Variants in ROBO2 observed in about 807,000 individuals in gnomAD.
ROBO2 encodes the protein roundabout guidance receptor 2, also known as roundabout homolog 2.
Under a neutral mutation model 160.8 loss-of-function variants are expected in ROBO2, and 53 were observed. The ratio of observed to expected loss-of-function variants is 0.33; its 90% CI spans 0.26 to 0.41. ROBO2 has a LOEUF of 0.41. Ranked by LOEUF, ROBO2 falls within the 10% of genes least tolerant of loss-of-function variation. The probability of loss-of-function intolerance (pLI) is 1.00; values close to 1 mark genes in which losing one functional copy is unlikely to be tolerated. For synonymous variants in ROBO2, 664 were observed against 611.7 expected (o/e 1.09, Z -1.26); for missense variants, 1,577 against 1,722.4 (o/e 0.92, Z 1.49).
intron 2 of ROBO2, among the ~76,000 whole-genome samples, chr3:76,920,135 G>A (rs542098100): frequency 3.3e-5 from 5 of 151,858 alleles, no homozygotes; most frequent in South Asian, 2.1e-4. Flanking sequence ...TTGGCTTTCC[G>A]TTATTTTATT....
At chr3:76,904,684 C>G in intron 2 of ROBO2, among the ~76,000 whole-genome samples, 1 of 152,124 alleles carries the variant, frequency 6.6e-6, no homozygotes, top group East Asian at 1.9e-4. Context: ...CCCAGTTAAT[C>G]TAAGGAGACA....
intron 2 of ROBO2, among the ~76,000 whole-genome samples, chr3:77,383,366 T>C (rs886864684): frequency 1.3e-5 from 2 of 152,112 alleles, no homozygotes; most frequent in African/African-American, 2.4e-5. Context: ...GAGAAAGATA[T>C]ATAAGTAACA....
chr3:76,952,376 G>A (rs1000676527), intron 2 of ROBO2, among the ~76,000 whole-genome samples: 6 of 152,034 alleles, frequency 3.9e-5, no homozygotes, highest in East Asian at 1.9e-4. Flanking sequence ...TCCGCCTCCC[G>A]GGTTCAAGTG....
chr3:77,488,787 C>G lies in ROBO2; in HGVS notation c.668-4457C>G, dbSNP rs577846983. ...TATTGTAACGGTTGCCACTGCAGATCCAACGCATTTGAAATACATTTTTGG... is the reference window on the plus strand; with the variant it reads ...TATTGTAACGGTTGCCACTGCAGATGCAACGCATTTGAAATACATTTTTGG... On this transcript the variant is annotated intron_variant, in intron 4 of 25. Transcript: ENST00000461745. 4.6e-5 allele frequency among the ~76,000 whole-genome samples: 7 copies of G among 152,246 alleles called. No individual in the cohort carries two copies. In the South Asian group the frequency reaches 6.2e-4, roughly 14 times the overall value.
intron 2 of ROBO2, among the ~76,000 whole-genome samples, chr3:76,775,197 C>T (rs1189277866): frequency 1.3e-5 from 2 of 150,578 alleles, no homozygotes; most frequent in African/African-American, 4.9e-5. Flanking sequence ...TACCTAACTG[C>T]TTAACCCCTA....
chr3:77,602,051 C>T (rs2094440108), intron 19 of ROBO2, among the ~76,000 whole-genome samples, 159 bp from the exon 21 acceptor site: 1 of 152,172 alleles, frequency 6.6e-6, no homozygotes, highest in Non-Finnish European at 1.5e-5. Context: ...GATAGCTTGG[C>T]GATGGTTGTA....
intron 2 of ROBO2, among the ~76,000 whole-genome samples, chr3:76,115,975 C>G (rs903946743): frequency 2.6e-5 from 4 of 152,126 alleles, no homozygotes; most frequent in African/African-American, 9.6e-5. Context: ...TTTTAAAGAT[C>G]ATGTATGTCT....
At chr3:76,580,328 G>GTTTTTTTTTTTTTTGT (rs748888426) in intron 2 of ROBO2, among the ~76,000 whole-genome samples, 3 of 67,324 alleles carry the variant, frequency 4.5e-5, no homozygotes, top group Non-Finnish European at 8.1e-5. Context: ...TTTTTTTTTT[G>GTTTTTTTTTTTTTTGT]TTTTTTTTTT....
At chr3:76,723,183 A>G (rs960204922) in intron 2 of ROBO2, among the ~76,000 whole-genome samples, 1 of 152,220 alleles carries the variant, frequency 6.6e-6, no homozygotes, top group Non-Finnish European at 1.5e-5. Flanking sequence ...TATTATTTTT[A>G]AAGTATGTAT....
chr3:77,162,860 T>C (rs899778975), intron 2 of ROBO2, among the ~76,000 whole-genome samples: 1 of 152,086 alleles, frequency 6.6e-6, no homozygotes, highest in Non-Finnish European at 1.5e-5. Flanking sequence ...GATGGAGTCT[T>C]GCTCTGTCTC....
intron 2 of ROBO2, among the ~76,000 whole-genome samples, chr3:77,174,491 G>GT (rs1394381870): frequency 1.3e-5 from 2 of 151,914 alleles, no homozygotes; most frequent in Non-Finnish European, 2.9e-5. Context: ...TTTATTTCTA[G>GT]TTAATACCCC....
intron 2 of ROBO2, among the ~76,000 whole-genome samples, chr3:76,987,379 G>A (rs1051435842): frequency 1.3e-5 from 2 of 152,042 alleles, no homozygotes; most frequent in Admixed American, 6.6e-5. Flanking sequence ...GCGTCACAGT[G>A]TTATTTTCTT....
chr3:76,573,137 G>C (rs2085056141), intron 2 of ROBO2, among the ~76,000 whole-genome samples: 1 of 152,046 alleles, frequency 6.6e-6, no homozygotes, highest in Admixed American at 6.6e-5. Flanking sequence ...CCTTGCTTTT[G>C]TGTAGCGAAA....
chr3:77,416,114 G>C (rs1445619506), intron 2 of ROBO2, among the ~76,000 whole-genome samples: 1 of 152,168 alleles, frequency 6.6e-6, no homozygotes, highest in Non-Finnish European at 1.5e-5. Flanking sequence ...TTTATTGAGT[G>C]AGAGTAAAGT....
chr3:76,219,050 C>T (rs1290667180), intron 2 of ROBO2, among the ~76,000 whole-genome samples: 1 of 152,150 alleles, frequency 6.6e-6, no homozygotes, highest in Non-Finnish European at 1.5e-5. Context: ...TTGAGAAAAA[C>T]AAGCAATGGG....
At chr3:76,049,403 A>ATATATATATT (rs1414664360) in intron 2 of ROBO2, among the ~76,000 whole-genome samples, 1 of 53,750 alleles carries the variant, frequency 1.9e-5, no homozygotes, top group East Asian at 6.3e-4. Flanking sequence ...ATATATATAT[A>ATATATATATT]TTTTTTTTTT....
At chr3:77,331,897 G>C (rs945675009) in intron 2 of ROBO2, among the ~76,000 whole-genome samples, 13 of 152,056 alleles carry the variant, frequency 8.5e-5, no homozygotes, top group African/African-American at 3.1e-4. Flanking sequence ...GTAGAGACGG[G>C]GTTTCACCAT....
chr3:76,674,809 G>A (rs1319035027), intron 2 of ROBO2, among the ~76,000 whole-genome samples: 1 of 152,046 alleles, frequency 6.6e-6, no homozygotes, highest in African/African-American at 2.4e-5. Context: ...CACTAGCAAC[G>A]CCTTCACACC....
At chr3:75,960,819 A>G (rs558043846) in intron 2 of ROBO2, among the ~76,000 whole-genome samples, 91 of 151,908 alleles carry the variant, frequency 6.0e-4, no homozygotes, top group Middle Eastern at 3.4e-3. Context: ...AACTTCCTAA[A>G]TTACAGAGTT....
Sources: allele counts gnomAD v4.1 joint callset (sites outside exome capture counted in the v4.1 genomes callset), GRCh38; gene constraint gnomAD v4.1.1; transcripts MANE v1.5; gene names NCBI Gene and HGNC (gene_info 2026-07-23, HGNC 2026-07-21).